SCHIP1: variants seen among roughly 807,000 people sequenced by gnomAD.
The protein encoded by SCHIP1 is schwannomin-interacting protein 1.
SCHIP1 carries 8 observed loss-of-function variants against 29.7 expected under a neutral mutation model. That is an observed-to-expected ratio of 0.27 (90% CI 0.16 to 0.49). The LOEUF (loss-of-function observed/expected upper bound fraction) is 0.49. SCHIP1 is among the 20% of genes least tolerant of loss of function. SCHIP1 has a pLI of 0.99. For missense variants in SCHIP1, 193 were observed against 294.6 expected, an observed-to-expected ratio of 0.66 and a Z score of 2.52; for synonymous variants, 76 against 94.9, an observed-to-expected ratio of 0.80 and a Z score of 1.16.
At chr3:159,849,087 G>T (rs1193724719) in intron 1 of SCHIP1, among the ~76,000 whole-genome samples, 1 of 152,016 alleles carries the variant, frequency 6.6e-6, no homozygotes, top group African/African-American at 2.4e-5. Context: ...GTAGAGGAGT[G>T]GAATGGTCTT....
the SCHIP1 span, among the ~76,000 whole-genome samples, chr3:159,606,485 C>T: frequency 6.6e-5 from 10 of 152,130 alleles, no homozygotes; most frequent in Admixed American, 6.6e-4. Context: ...AAATATCTAC[C>T]ACCACAAACA....
At chr3:159,762,279 T>C in the SCHIP1 span, among the ~76,000 whole-genome samples, 1 of 152,216 alleles carries the variant, frequency 6.6e-6, no homozygotes, top group Non-Finnish European at 1.5e-5. Flanking sequence ...CCTTTTCCAG[T>C]TATTCCTAAG....
chr3:159,602,602 G>A, the SCHIP1 span, among the ~76,000 whole-genome samples: 4 of 151,752 alleles, frequency 2.6e-5, no homozygotes, highest in East Asian at 1.9e-4. Context: ...CCAGCTACTC[G>A]GGAGGCTGAG....
At chr3:159,447,057 C>T in the SCHIP1 span, among the ~76,000 whole-genome samples, 1 of 152,136 alleles carries the variant, frequency 6.6e-6, no homozygotes, top group Admixed American at 6.5e-5. Context: ...TAGCCTCCCA[C>T]ATCAACTTTT....
chr3:159,333,264 A>G, the SCHIP1 span, among the ~76,000 whole-genome samples: 1 of 152,222 alleles, frequency 6.6e-6, no homozygotes, highest in African/African-American at 2.4e-5. Context: ...TTCTGGGTCC[A>G]TTGGATCCCT....
the SCHIP1 span, among the ~76,000 whole-genome samples, chr3:159,763,373 A>G: frequency 6.6e-6 from 1 of 152,014 alleles, no homozygotes; most frequent in Non-Finnish European, 1.5e-5. Context: ...GTGCTTTGGG[A>G]TGCCGGGTGG....
chr3:159,689,407 T>C, the SCHIP1 span, among the ~76,000 whole-genome samples: 1 of 152,194 alleles, frequency 6.6e-6, no homozygotes, highest in Non-Finnish European at 1.5e-5. Context: ...TTCTCTATCA[T>C]TGATGTATAG....
At chr3:159,354,440 G>A in the SCHIP1 span, among the ~76,000 whole-genome samples, 1 of 152,180 alleles carries the variant, frequency 6.6e-6, no homozygotes, top group Non-Finnish European at 1.5e-5. Context: ...AAGAGAGGCA[G>A]TACATATTCT....
chr3:159,834,716 G>T, the SCHIP1 span, among the ~76,000 whole-genome samples: 2 of 152,100 alleles, frequency 1.3e-5, no homozygotes, highest in Non-Finnish European at 2.9e-5. Flanking sequence ...TTCCACACCT[G>T]ACCTCATGTG....
At chr3:159,353,783 A>G in the SCHIP1 span, among the ~76,000 whole-genome samples, 1 of 152,210 alleles carries the variant, frequency 6.6e-6, no homozygotes, top group Admixed American at 6.5e-5. Flanking sequence ...AAATTTTTCA[A>G]CCAAGATGTA....
the SCHIP1 span, among the ~76,000 whole-genome samples, chr3:159,454,656 C>A: frequency 1.1e-4 from 17 of 152,244 alleles, no homozygotes; most frequent in East Asian, 2.5e-3. Flanking sequence ...AGAAGACAGC[C>A]TTTATTCTGA....
chr3:159,475,736 A>T, the SCHIP1 span, among the ~76,000 whole-genome samples: 1 of 152,148 alleles, frequency 6.6e-6, no homozygotes, highest in Non-Finnish European at 1.5e-5. Context: ...TATGATCTCA[A>T]TTCTGTATCT....
At chr3:159,459,845 A>C in the SCHIP1 span, among the ~76,000 whole-genome samples, 11 of 152,288 alleles carry the variant, frequency 7.2e-5, no homozygotes, top group East Asian at 2.1e-3. Flanking sequence ...ACAGGCATAC[A>C]CAGAAGGAAG....
chr3:159,889,508 T>C (rs370881875), intron 5 of SCHIP1, among the ~76,000 whole-genome samples: 3 of 152,222 alleles, frequency 2.0e-5, no homozygotes, highest in African/African-American at 2.4e-5. Flanking sequence ...ATGCAGAGAA[T>C]AGGCAGTTAG....
the SCHIP1 span, among the ~76,000 whole-genome samples, chr3:159,607,930 C>T: frequency 2.0e-5 from 3 of 152,080 alleles, no homozygotes; most frequent in Non-Finnish European, 4.4e-5. Flanking sequence ...GCATGAAGCA[C>T]GGGAAGTCGG....
the SCHIP1 span, among the ~76,000 whole-genome samples, chr3:159,620,009 T>C: frequency 6.6e-6 from 1 of 152,064 alleles, no homozygotes; most frequent in East Asian, 1.9e-4. Flanking sequence ...GAGTAGAAAA[T>C]ACATTTATCT....
At chr3:159,298,115 G>C in the SCHIP1 span, among the ~76,000 whole-genome samples, 1 of 152,156 alleles carries the variant, frequency 6.6e-6, no homozygotes, top group Non-Finnish European at 1.5e-5. Flanking sequence ...CCCCCAGTAT[G>C]TATTTATTGA....
the SCHIP1 span, among the ~76,000 whole-genome samples, chr3:159,713,282 AAG>A: frequency 6.6e-6 from 1 of 151,726 alleles, no homozygotes; most frequent in Admixed American, 6.6e-5. Context: ...GAAAGAAAGA[AAG>A]AAAAAAGAAA....
the SCHIP1 span, among the ~76,000 whole-genome samples, chr3:159,685,345 T>G: frequency 6.6e-6 from 1 of 152,238 alleles, no homozygotes; most frequent in Non-Finnish European, 1.5e-5. Flanking sequence ...TGTCTTACTA[T>G]TAAAACTCAG....
Sources: allele counts gnomAD v4.1 joint callset (sites outside exome capture counted in the v4.1 genomes callset), GRCh38; gene constraint gnomAD v4.1.1; transcripts MANE v1.5; gene names NCBI Gene and HGNC (gene_info 2026-07-23, HGNC 2026-07-21).